The following CALN1 variants were observed in gnomAD, a reference collection of about 807,000 sequenced individuals.
CALN1 encodes the protein calcium-binding protein 8.
Under a neutral mutation model 30.6 loss-of-function variants are expected in CALN1, and 17 were observed. The observed-to-expected ratio is 0.56, with a 90% CI of 0.38 to 0.83. The LOEUF (loss-of-function observed/expected upper bound fraction) is 0.83, where lower values mean the gene tolerates loss of function less well. CALN1 is among the 40% of genes least tolerant of loss of function. The probability of loss-of-function intolerance (pLI) is 0.00; values close to 1 mark genes in which losing one functional copy is unlikely to be tolerated. For missense variants in CALN1, 291 were observed against 354.9 expected (o/e 0.82, Z 1.45); for synonymous variants, 156 against 131.4 (o/e 1.19, Z -1.28).
intron 5 of CALN1, among the ~76,000 whole-genome samples, chr7:71,878,672 G>A: frequency 6.6e-6 from 1 of 152,114 alleles, no homozygotes; most frequent in East Asian, 1.9e-4. Flanking sequence ...AGTGTGGGAG[G>A]TCCTTGAAAA....
At chr7:72,431,864 T>C (rs1343972088) in intron 1 of CALN1, among the ~76,000 whole-genome samples, 2 of 141,138 alleles carry the variant, frequency 1.4e-5, no homozygotes, top group Non-Finnish European at 3.1e-5. Context: ...AAAAAAAAAC[T>C]AAGTCAGACT....
intron 2 of CALN1, among the ~76,000 whole-genome samples, chr7:72,363,445 G>A (rs1244076253): frequency 6.6e-6 from 1 of 152,012 alleles, no homozygotes; most frequent in Non-Finnish European, 1.5e-5. Flanking sequence ...CGCCATGTTG[G>A]CCAGGCTGGT....
At chr7:71,841,985 A>G (rs1362245129) in intron 5 of CALN1, among the ~76,000 whole-genome samples, 1 of 151,528 alleles carries the variant, frequency 6.6e-6, no homozygotes, top group Non-Finnish European at 1.5e-5. Flanking sequence ...CTGTACATGT[A>G]CCTCCTGAAT....
At chr7:71,877,234 C>G (rs998944802) in intron 5 of CALN1, among the ~76,000 whole-genome samples, 7 of 152,078 alleles carry the variant, frequency 4.6e-5, no homozygotes, top group Non-Finnish European at 1.0e-4. Flanking sequence ...TTAAAGACCA[C>G]CAAGCCCAAT....
At chr7:71,909,256 T>C (rs946505493) in intron 5 of CALN1, among the ~76,000 whole-genome samples, 2 of 152,188 alleles carry the variant, frequency 1.3e-5, no homozygotes, top group Admixed American at 6.5e-5. Flanking sequence ...CCGGAAGTGC[T>C]GGTATTACAG....
chr7:71,936,831 G>T (rs978093797), intron 5 of CALN1, among the ~76,000 whole-genome samples: 4 of 152,022 alleles, frequency 2.6e-5, no homozygotes, highest in African/African-American at 9.7e-5. Flanking sequence ...GAACCATGGA[G>T]GCAGTTTCCC....
At chr7:71,888,599 C>T (rs968885994) in intron 5 of CALN1, among the ~76,000 whole-genome samples, 1 of 151,996 alleles carries the variant, frequency 6.6e-6, no homozygotes, top group Non-Finnish European at 1.5e-5. Context: ...AGGACAGTAG[C>T]GTTGATCTCA....
chr7:72,486,267 A>T, the CALN1 span, among the ~76,000 whole-genome samples: 8 of 152,238 alleles, frequency 5.3e-5, no homozygotes, highest in African/African-American at 1.9e-4. Context: ...TCATTGACAG[A>T]AAAGTCATTA....
chr7:72,306,493 A>G (rs937375913), intron 2 of CALN1, among the ~76,000 whole-genome samples: 1 of 152,142 alleles, frequency 6.6e-6, no homozygotes, highest in Non-Finnish European at 1.5e-5. Context: ...CCAATTGTCA[A>G]TCAGAAGATG....
At position 72,067,816 on chromosome 7, in the gene CALN1, C is replaced by A. The variant is rs143425013; in HGVS notation, c.388+38335G>T. On this transcript the variant is annotated intron_variant, in intron 4 of 6. Coordinates refer to ENST00000395275, the MANE Select transcript of CALN1 (RefSeq NM_031468.4). ...CCAGCAAGGGCTGACCTCAGACCAC[C>A]TTCTGCTGTCCTCTTCATCTGCATT... Among the ~76,000 whole-genome samples the A allele has an allele frequency of 3.3e-5, 5 of 152,312 alleles. No individual in the cohort carries two copies. The East Asian group carries it at 9.7e-4, about 29-fold the overall frequency.
At chr7:72,364,336 G>C (rs539238812) in intron 2 of CALN1, among the ~76,000 whole-genome samples, 1 of 152,260 alleles carries the variant, frequency 6.6e-6, no homozygotes, top group African/African-American at 2.4e-5. Flanking sequence ...ATAATTAATG[G>C]GGAAGAACTA....
chr7:72,375,588 GGAA>G (rs1804508818), intron 2 of CALN1, among the ~76,000 whole-genome samples: 1 of 147,640 alleles, frequency 6.8e-6, no homozygotes, highest in African/African-American at 2.5e-5. Flanking sequence ...AAAAAGAAAA[GGAA>G]AAAATAAAAG....
intron 1 of CALN1, among the ~76,000 whole-genome samples, chr7:72,432,160 C>T (rs1043889865): frequency 6.6e-6 from 1 of 151,990 alleles, no homozygotes; most frequent in Non-Finnish European, 1.5e-5. Flanking sequence ...TTTTCCTGTG[C>T]TGTTCTGGTC....
intron 5 of CALN1, among the ~76,000 whole-genome samples, chr7:71,954,826 T>C (rs761026108): frequency 3.3e-5 from 5 of 152,192 alleles, no homozygotes; most frequent in Non-Finnish European, 7.3e-5. Context: ...GAGTACAGAC[T>C]ACTACCTGGG....
intron 5 of CALN1, among the ~76,000 whole-genome samples, chr7:71,908,910 C>T (rs1057293230): frequency 6.6e-6 from 1 of 152,172 alleles, no homozygotes; most frequent in African/African-American, 2.4e-5. Context: ...GATCCAGGGA[C>T]GTCCTTTCAG....
intron 1 of CALN1, among the ~76,000 whole-genome samples, chr7:72,432,325 C>T (rs1317672199): frequency 6.6e-6 from 1 of 152,152 alleles, no homozygotes; most frequent in Non-Finnish European, 1.5e-5. Flanking sequence ...ACTTTGAGTC[C>T]ATTAAACCTC....
chr7:72,114,173 G>C (rs1807772055), intron 3 of CALN1, among the ~76,000 whole-genome samples: 2 of 150,248 alleles, frequency 1.3e-5, no homozygotes, highest in Admixed American at 6.7e-5. Flanking sequence ...TTGAGGTCAG[G>C]AGTTTGAGTC....
intron 3 of CALN1, among the ~76,000 whole-genome samples, chr7:72,270,259 C>T (rs1379854015): frequency 6.6e-6 from 1 of 151,998 alleles, no homozygotes; most frequent in East Asian, 1.9e-4. Flanking sequence ...GAGATCAAGA[C>T]TACAGTGAAT....
At chr7:72,023,568 G>T in intron 5 of CALN1, 89 bp downstream of exon 5, 1 of 910,138 alleles carries the variant, frequency 1.1e-6, no homozygotes, top group Non-Finnish European at 1.8e-6. Flanking sequence ...ATCTTCACGT[G>T]CCAAATAGAA....
Sources: gnomAD v4.1 joint callset for allele counts (sites outside exome capture counted in the v4.1 genomes callset) on GRCh38, gnomAD v4.1.1 for gene constraint, MANE v1.5 for transcripts, NCBI Gene and HGNC (gene_info 2026-07-23, HGNC 2026-07-21) for gene names.